Variants in ALDH1A1 observed in about 807,000 individuals in gnomAD.
ALDH1A1 encodes aldehyde dehydrogenase 1 family member A1, also known as aldehyde dehydrogenase 1A1.
ALDH1A1 carries 19 observed loss-of-function variants against 62.1 expected under a neutral mutation model. The ratio of observed to expected loss-of-function variants is 0.31; its 90% CI spans 0.21 to 0.45. ALDH1A1 has a LOEUF of 0.45. ALDH1A1 is among the 20% of genes least tolerant of loss of function. The pLI is 1.00. For missense variants in ALDH1A1, 521 were observed against 607.1 expected (o/e 0.86, Z 1.49); for synonymous variants, 231 against 215.9 (o/e 1.07, Z -0.61).
intron 2 of ALDH1A1, among the ~76,000 whole-genome samples, chr9:72,932,629 C>G (rs917719054): frequency 6.6e-6 from 1 of 152,128 alleles, no homozygotes; most frequent in Non-Finnish European, 1.5e-5. Flanking sequence ...TTATTGCCTG[C>G]CTTTCCTGAG....
At chr9:72,913,704 C>T (rs909990996) in intron 9 of ALDH1A1, among the ~76,000 whole-genome samples, 6 of 152,306 alleles carry the variant, frequency 3.9e-5, no homozygotes, top group Non-Finnish European at 7.3e-5. Context: ...CTTAGATGGT[C>T]GCTAACTTAT....
intron 9 of ALDH1A1, among the ~76,000 whole-genome samples, chr9:72,915,981 C>T (rs928858323): frequency 6.6e-6 from 1 of 152,150 alleles, no homozygotes; most frequent in East Asian, 1.9e-4. Context: ...AGCTTAATGT[C>T]TAGACTCCAG....
rs1286172300 is a variant in ALDH1A1 at position 72,946,450 on chromosome 9, A to G, written c.67-6198T>C. 2.6e-5 allele frequency among the ~76,000 whole-genome samples: 4 copies of G among 151,902 alleles called. No individual in the cohort carries two copies. The East Asian group carries it at 7.7e-4, about 29-fold the overall frequency. On this transcript the variant is annotated intron_variant, in intron 1 of 12. Transcript: ENST00000297785. ...CGTTACAATGAATCAGGTAGAGATA[A>G]TATCAGAAAACCCAATATTAGCAAC...
rs1829818114 is a variant in ALDH1A1 at position 72,902,495 on chromosome 9, C to G, written c.1434-1215G>C. Reference sequence around the variant, plus strand: ...TTTTGAAAATACCTTTTAAAAGCTTCAGTGAGCATGGTCCTTAAAGTAATT... The same window carrying G: ...TTTTGAAAATACCTTTTAAAAGCTTGAGTGAGCATGGTCCTTAAAGTAATT... On this transcript the variant is annotated intron_variant, in intron 12 of 12. Transcript: ENST00000297785. 2.0e-5 allele frequency among the ~76,000 whole-genome samples: 3 copies of G among 151,994 alleles called. No homozygotes were observed. The South Asian group carries it at 6.2e-4, about 32-fold the overall frequency.
intron 1 of ALDH1A1, among the ~76,000 whole-genome samples, chr9:72,942,624 G>C (rs898653782): frequency 6.6e-6 from 1 of 152,038 alleles, no homozygotes; most frequent in African/African-American, 2.4e-5. Context: ...CATGGCACTG[G>C]AGGTGGTTCA....
chr9:72,908,591 GAAAGAAAGAAAGAAA>G (rs1564622789), intron 11 of ALDH1A1, among the ~76,000 whole-genome samples: 1 of 144,246 alleles, frequency 6.9e-6, no homozygotes, highest in Non-Finnish European at 1.5e-5. Flanking sequence ...AAGAAAGAAA[GAAAGAAAGAAAGAAA>G]GAAAGAAAGA....
At chr9:72,902,559 A>G (rs1829818921) in intron 12 of ALDH1A1, among the ~76,000 whole-genome samples, 1 of 152,062 alleles carries the variant, frequency 6.6e-6, no homozygotes, top group Admixed American at 6.6e-5. Context: ...CCATTAAAAG[A>G]TAATATTTTA....
intron 1 of ALDH1A1, among the ~76,000 whole-genome samples, chr9:72,945,693 T>G (rs1347538714): frequency 6.6e-6 from 1 of 151,726 alleles, no homozygotes; most frequent in African/African-American, 2.4e-5. Context: ...TGAACAAAAG[T>G]CAGGTGGGGT....
chr9:72,930,746 A>C (rs1830270420), intron 3 of ALDH1A1, 133 bp downstream of exon 3: 3 of 1,050,306 alleles, frequency 2.9e-6, no homozygotes, highest in Non-Finnish European at 2.7e-6. Flanking sequence ...GGGCCTATTC[A>C]TTGGGACAAA....
intron 12 of ALDH1A1, among the ~76,000 whole-genome samples, chr9:72,904,927 C>A (rs1829856864): frequency 6.6e-6 from 1 of 152,048 alleles, no homozygotes; most frequent in Admixed American, 6.6e-5. Context: ...GTTCCTAGGA[C>A]CTTACACATA....
rs913296902 is a variant in ALDH1A1, at chr9:72,901,059, T to A, written c.*149A>T. Reference sequence around the variant, plus strand: ...TTTCAGAAGAAGCTACATGTCAAGTTTTCTATGGGTAGTATTAATACTAAT... The same window carrying A: ...TTTCAGAAGAAGCTACATGTCAAGTATTCTATGGGTAGTATTAATACTAAT... On this transcript the variant is annotated 3_prime_UTR_variant, in exon 13 of 13. Coordinates refer to ENST00000297785, the MANE Select transcript of ALDH1A1 (RefSeq NM_000689.5). The A allele has an allele frequency of 1.6e-5, 8 of 494,124 alleles. No homozygotes were observed. The Admixed American group carries it at 2.7e-4, about 16-fold the overall frequency. 30.6% of individuals were successfully genotyped at this position (494,124 alleles called of 1,614,324 possible). A position where few individuals can be genotyped will look rare whatever the true frequency, so the allele number is the denominator to read the frequency against.
chr9:72,936,304 A>G (rs8187904), intron 2 of ALDH1A1, among the ~76,000 whole-genome samples: 3 of 152,212 alleles, frequency 2.0e-5, no homozygotes, highest in African/African-American at 7.2e-5. Flanking sequence ...CAAGGTTTCA[A>G]CTGGAACTTT....
intron 3 of ALDH1A1, among the ~76,000 whole-genome samples, chr9:72,930,351 A>G (rs1830265391): frequency 6.6e-6 from 1 of 152,212 alleles, no homozygotes; most frequent in Non-Finnish European, 1.5e-5. Context: ...TAAAAAGAAC[A>G]TCATTTAATT....
chr9:72,902,826 A>G lies in ALDH1A1; in HGVS notation c.1434-1546T>C, dbSNP rs1314291153. ...TGAGTTACTGTTTGTATACTTCTAAAATCTTCAATGTACAAATCACCTGGG... is the reference window on the plus strand; with the variant it reads ...TGAGTTACTGTTTGTATACTTCTAAGATCTTCAATGTACAAATCACCTGGG... On this transcript the variant is annotated intron_variant, in intron 12 of 12. Transcript: ENST00000297785. 2.0e-5 allele frequency among the ~76,000 whole-genome samples: 3 copies of G among 151,948 alleles called. No individual in the cohort carries two copies. In the East Asian group the frequency reaches 5.8e-4, roughly 29 times the overall value.
At chr9:72,923,849 AACT>A in intron 7 of ALDH1A1, 167 bp downstream of exon 7, 1 of 445,782 alleles carries the variant, frequency 2.2e-6, no homozygotes, top group Non-Finnish European at 3.9e-6. Context: ...ATGTCATTCA[AACT>A]ACATCTGCTT....
intron 12 of ALDH1A1, among the ~76,000 whole-genome samples, chr9:72,904,862 C>T (rs1288518438): frequency 6.6e-6 from 1 of 152,126 alleles, no homozygotes; most frequent in Admixed American, 6.5e-5. Flanking sequence ...GGTTATTTTG[C>T]ATGTCCTGCC....
rs763653908 is a variant in ALDH1A1, at chr9:72,952,941, A to G, written c.60T>C (p.Tyr20=). The G allele has an allele frequency of 5.0e-6, 8 of 1,612,924 alleles. No homozygotes were observed. In the East Asian group the frequency reaches 1.8e-4, roughly 36 times the overall value. Residue 20 remains tyrosine, a synonymous_variant, in exon 1 of 13, where the codon TAT becomes TAC. Transcript: ENST00000297785. ...PVLLTDLKIQ[Y]TKIFINNEWH... ...AAATAGAAGTTTTACTCACCTTAGT[A>G]TATTGAATCTTCAAATCGGTGAGTA...
intron 8 of ALDH1A1, 48 bp from the exon 9 acceptor site, chr9:72,917,152 T>C: frequency 7.8e-7 from 1 of 1,280,818 alleles, no homozygotes; most frequent in Non-Finnish European, 1.0e-6. Context: ...AAAAATTATA[T>C]ATTTTATATG....
At chr9:72,920,149 G>A (rs545027010) in intron 7 of ALDH1A1, among the ~76,000 whole-genome samples, 47 of 152,044 alleles carry the variant, frequency 3.1e-4, no homozygotes, top group Non-Finnish European at 5.6e-4. Flanking sequence ...TAGATGTTTC[G>A]TGAGTGTATG....
Sources: allele counts gnomAD v4.1 joint callset (sites outside exome capture counted in the v4.1 genomes callset), GRCh38; gene constraint gnomAD v4.1.1; transcripts MANE v1.5; gene names NCBI Gene and HGNC (gene_info 2026-07-23, HGNC 2026-07-21).